Variants in HHAT observed in about 807,000 individuals in gnomAD.
HHAT encodes hedgehog acyltransferase, also known as protein-cysteine N-palmitoyltransferase HHAT.
Under a neutral mutation model 70.8 loss-of-function variants are expected in HHAT, and 47 were observed. The ratio of observed to expected loss-of-function variants is 0.66; its 90% CI spans 0.53 to 0.85. The LOEUF (loss-of-function observed/expected upper bound fraction) is 0.85. Ranked by LOEUF, HHAT falls within the 40% of genes least tolerant of loss-of-function variation. HHAT has a pLI of 0.00. For synonymous variants in HHAT, 228 were observed against 247.6 expected (o/e 0.92, Z 0.74); for missense variants, 609 against 604.8 (o/e 1.01, Z -0.07).
chr1:210,419,320 G>A (rs1199231377), intron 7 of HHAT, among the ~76,000 whole-genome samples: 1 of 152,118 alleles, frequency 6.6e-6, no homozygotes, highest in Non-Finnish European at 1.5e-5. Context: ...CAGGGAGGTG[G>A]CATGGAAGTC....
Position 210,329,102 on chromosome 1 carries a change from G to A in HHAT, c.-46G>A. 3 of 1,394,338 alleles carry A rather than the reference G, an allele frequency of 2.2e-6. No individual in the cohort carries two copies. Among genetic ancestry groups the A allele is most frequent in the Non-Finnish European group, 2.8e-6 (3 of 1,073,236 alleles). 86.4% of individuals were successfully genotyped at this position (1,394,338 alleles called of 1,614,324 possible). A position where few individuals can be genotyped will look rare whatever the true frequency, so the allele number is the denominator to read the frequency against. On this transcript the variant is annotated splice_region_variant and 5_prime_UTR_variant, in exon 1 of 12. Transcript: ENST00000261458. ...CGTCGCCGCCGCCCGGGACAGCCCG[G>A]AGGTTGGTAACTGGTGACCATAGGG...
intron 9 of HHAT, among the ~76,000 whole-genome samples, chr1:210,530,760 T>A (rs1210830279): frequency 6.6e-6 from 1 of 152,182 alleles, no homozygotes; most frequent in Non-Finnish European, 1.5e-5. Flanking sequence ...GACAGCATGT[T>A]GACCGAACTA....
chr1:210,467,346 TTAC>T (rs544071280), intron 8 of HHAT, among the ~76,000 whole-genome samples: 723 of 152,326 alleles, frequency 4.7e-3, no homozygotes, highest in Non-Finnish European at 7.1e-3. Flanking sequence ...AGATGCTCCT[TTAC>T]TAGTAGGAGG....
Position 210,655,730 on chromosome 1 carries a change from T to C in HHAT, c.1391-18558T>C, listed in dbSNP as rs141237033. On this transcript the variant is annotated intron_variant, in intron 11 of 11. Coordinates refer to ENST00000261458, the MANE Select transcript of HHAT (RefSeq NM_018194.6). The stretch of plus-strand genomic sequence containing the variant: ...GGTAAATATCCTCATGAGTACGTCA[T>C]TTAAAAATTTGCCATTTCCTCTGAC... Among the ~76,000 whole-genome samples, 8 of 152,330 alleles carry C rather than the reference T, an allele frequency of 5.3e-5. No individual in the cohort carries two copies. The East Asian group carries it at 1.5e-3, about 29-fold the overall frequency.
intron 11 of HHAT, among the ~76,000 whole-genome samples, chr1:210,642,001 T>G (rs1314458254): frequency 6.6e-6 from 1 of 152,236 alleles, no homozygotes; most frequent in Non-Finnish European, 1.5e-5. Flanking sequence ...GCTTCCATTT[T>G]TATTAGATTT....
At chr1:210,568,858 T>C (rs904219980) in intron 9 of HHAT, among the ~76,000 whole-genome samples, 2 of 152,138 alleles carry the variant, frequency 1.3e-5, no homozygotes, top group Admixed American at 6.5e-5. Context: ...CCTGCCCCAG[T>C]TGGTCAAAAG....
intron 10 of HHAT, among the ~76,000 whole-genome samples, chr1:210,605,031 CAA>C: frequency 6.6e-6 from 1 of 152,086 alleles, no homozygotes; most frequent in Non-Finnish European, 1.5e-5. Flanking sequence ...ACAACAACAA[CAA>C]CAACAACAAC....
intron 9 of HHAT, among the ~76,000 whole-genome samples, chr1:210,586,589 G>T (rs755840855): frequency 2.0e-5 from 3 of 152,150 alleles, no homozygotes; most frequent in Non-Finnish European, 4.4e-5. Flanking sequence ...AAATGCTGGG[G>T]CAGTAGGTAT....
chr1:210,665,815 A>G (rs1678769236), intron 11 of HHAT, among the ~76,000 whole-genome samples: 1 of 152,190 alleles, frequency 6.6e-6, no homozygotes, highest in South Asian at 2.1e-4. Context: ...ATCAAAACCA[A>G]AGTTTGAGAA....
chr1:210,405,548 C>T (rs1186126329), intron 6 of HHAT, among the ~76,000 whole-genome samples: 1 of 151,218 alleles, frequency 6.6e-6, no homozygotes, highest in South Asian at 2.1e-4. Context: ...CCCACGCATA[C>T]GCACACACCT....
At chr1:210,493,003 T>G (rs1427880110) in intron 8 of HHAT, among the ~76,000 whole-genome samples, 1 of 152,120 alleles carries the variant, frequency 6.6e-6, no homozygotes, top group Non-Finnish European at 1.5e-5. Context: ...GTACCCTCAT[T>G]TTTCTACTAA....
intron 1 of HHAT, among the ~76,000 whole-genome samples, chr1:210,334,239 T>C (rs1199447400): frequency 7.0e-6 from 1 of 143,504 alleles, no homozygotes; most frequent in East Asian, 2.1e-4. Flanking sequence ...GGATCACAGC[T>C]CACTGCAGCC....
intron 3 of HHAT, among the ~76,000 whole-genome samples, chr1:210,378,396 GTATTT>G (rs2090390147): frequency 6.6e-6 from 1 of 152,112 alleles, no homozygotes; most frequent in Non-Finnish European, 1.5e-5. Context: ...TATTTCTGTA[GTATTT>G]TATTTTTACA....
At chr1:210,655,683 A>G (rs1676240380) in intron 11 of HHAT, among the ~76,000 whole-genome samples, 1 of 152,194 alleles carries the variant, frequency 6.6e-6, no homozygotes, top group African/African-American at 2.4e-5. Flanking sequence ...GAAAAAATGT[A>G]TCTGAGTCAC....
At chr1:210,543,648 A>C (rs1335992478) in intron 9 of HHAT, among the ~76,000 whole-genome samples, 1 of 151,894 alleles carries the variant, frequency 6.6e-6, no homozygotes, top group African/African-American at 2.4e-5. Flanking sequence ...AATTTTTCCA[A>C]ATTTTTCTTT....
chr1:210,650,130 G>A (rs1295116973), intron 11 of HHAT, among the ~76,000 whole-genome samples: 1 of 152,220 alleles, frequency 6.6e-6, no homozygotes, highest in Non-Finnish European at 1.5e-5. Flanking sequence ...AACAGCTCAA[G>A]TTTGCTGCTT....
intron 7 of HHAT, among the ~76,000 whole-genome samples, chr1:210,453,540 C>A (rs371502448): frequency 1.3e-5 from 2 of 152,126 alleles, no homozygotes; most frequent in East Asian, 1.9e-4. Flanking sequence ...CCCTTTCTCT[C>A]CTTCCCCCAT....
At chr1:210,533,724 G>T (rs576986932) in intron 9 of HHAT, among the ~76,000 whole-genome samples, 1 of 152,288 alleles carries the variant, frequency 6.6e-6, no homozygotes, top group South Asian at 2.1e-4. Flanking sequence ...CTTTAAATGG[G>T]TTCTGTAGTC....
chr1:210,334,653 A>G (rs527292860), intron 1 of HHAT, among the ~76,000 whole-genome samples: 25 of 151,434 alleles, frequency 1.7e-4, no homozygotes, highest in Non-Finnish European at 3.2e-4. Flanking sequence ...TATGTCATAT[A>G]GTGTATACAC....
Sources: allele counts gnomAD v4.1 joint callset (sites outside exome capture counted in the v4.1 genomes callset), GRCh38; gene constraint gnomAD v4.1.1; transcripts MANE v1.5; gene names NCBI Gene and HGNC (gene_info 2026-07-23, HGNC 2026-07-21).